KCNJ6: variants seen among roughly 807,000 people sequenced by gnomAD.
The protein encoded by KCNJ6 is potassium inwardly rectifying channel subfamily J member 6.
KCNJ6 carries 9 observed loss-of-function variants against 34.2 expected under a neutral mutation model. The ratio of observed to expected loss-of-function variants is 0.26; its 90% CI spans 0.16 to 0.46. The LOEUF (loss-of-function observed/expected upper bound fraction) is 0.46. Ranked by LOEUF, KCNJ6 falls within the 20% of genes least tolerant of loss-of-function variation. KCNJ6 has a pLI of 1.00. For missense variants in KCNJ6, 236 were observed against 531.3 expected (o/e 0.44, Z 5.46); for synonymous variants, 196 against 207.1 (o/e 0.95, Z 0.46).
At chr21:37,685,286 G>T (rs896749130) in intron 3 of KCNJ6, among the ~76,000 whole-genome samples, 4 of 151,970 alleles carry the variant, frequency 2.6e-5, no homozygotes, top group Non-Finnish European at 5.9e-5. Flanking sequence ...GTCTCTGGAG[G>T]TAGGATTGGA....
At chr21:37,645,496 G>A (rs1021157277) in intron 3 of KCNJ6, among the ~76,000 whole-genome samples, 1 of 152,176 alleles carries the variant, frequency 6.6e-6, no homozygotes, top group African/African-American at 2.4e-5. Flanking sequence ...CTTCTCGTGG[G>A]TCATCTAATG....
At chr21:37,763,670 T>G (rs1051167530) in intron 2 of KCNJ6, among the ~76,000 whole-genome samples, 2 of 152,182 alleles carry the variant, frequency 1.3e-5, no homozygotes, top group Non-Finnish European at 2.9e-5. Context: ...ACATGGCTGT[T>G]TTTCTCTTGT....
chr21:37,907,443 G>A (rs553673739), intron 1 of KCNJ6, among the ~76,000 whole-genome samples: 2 of 152,234 alleles, frequency 1.3e-5, no homozygotes, highest in Admixed American at 6.5e-5. Context: ...GAAGGGCATC[G>A]CTTCTCTCAT....
At chr21:37,910,910 A>G (rs2055864175) in intron 1 of KCNJ6, among the ~76,000 whole-genome samples, 1 of 152,226 alleles carries the variant, frequency 6.6e-6, no homozygotes, top group Non-Finnish European at 1.5e-5. Flanking sequence ...ACACTGCACA[A>G]AATCATTCTC....
chr21:37,754,578 G>A (rs2055014169), intron 2 of KCNJ6, among the ~76,000 whole-genome samples: 1 of 152,110 alleles, frequency 6.6e-6, no homozygotes, highest in African/African-American at 2.4e-5. Context: ...AGCTGATCCG[G>A]GACAATGGAC....
In KCNJ6 at chr21:37,614,378, GTGTGTA is replaced by G. The variant is rs1379841680; in HGVS notation, c.*10775_*10780del. 9.4e-3 allele frequency: 1,421 copies of G among 150,458 alleles called. 13 individuals are homozygous for G. The highest frequency in any genetic ancestry group is 0.011 in the Non-Finnish European group (763 of 67,890). 9.3% of individuals were successfully genotyped at this position (150,458 alleles called of 1,614,324 possible). On this transcript the variant is annotated 3_prime_UTR_variant, in exon 4 of 4. Coordinates refer to ENST00000609713, the MANE Select transcript of KCNJ6 (RefSeq NM_002240.5). ...GATAAGAGTGTGTGTGTGTGTGTGT[GTGTGTA>G]TATCTGTGTGTGCGTATGCATGTGT... is the stretch of plus-strand genomic sequence containing the variant.
At chr21:37,691,990 G>T (rs949762082) in intron 3 of KCNJ6, among the ~76,000 whole-genome samples, 8 of 152,152 alleles carry the variant, frequency 5.3e-5, no homozygotes, top group African/African-American at 1.9e-4. Flanking sequence ...CAAGCAGTTT[G>T]GGATGTCGTG....
At chr21:37,687,900 T>G (rs1042047502) in intron 3 of KCNJ6, among the ~76,000 whole-genome samples, 6 of 152,212 alleles carry the variant, frequency 3.9e-5, no homozygotes, top group African/African-American at 1.4e-4. Flanking sequence ...ATAAAGTTGC[T>G]AGATAAACAA....
At chr21:37,901,063 G>A (rs1334830605) in intron 1 of KCNJ6, among the ~76,000 whole-genome samples, 3 of 150,008 alleles carry the variant, frequency 2.0e-5, no homozygotes, top group Non-Finnish European at 4.4e-5. Flanking sequence ...TAGCTTATCT[G>A]AATGTTCACA....
intron 2 of KCNJ6, among the ~76,000 whole-genome samples, chr21:37,836,433 T>C (rs2055451952): frequency 6.6e-6 from 1 of 152,216 alleles, no homozygotes; most frequent in Non-Finnish European, 1.5e-5. Flanking sequence ...TAAAGCCACA[T>C]GCACACACGT....
intron 3 of KCNJ6, among the ~76,000 whole-genome samples, chr21:37,681,143 G>C (rs1181834194): frequency 1.8e-5 from 1 of 55,602 alleles, no homozygotes; most frequent in Non-Finnish European, 3.3e-5. Flanking sequence ...CTGTCCATTA[G>C]ATGTCAAAGA....
intron 2 of KCNJ6, among the ~76,000 whole-genome samples, chr21:37,721,857 A>C (rs1543755): frequency 0.23 from 35,686 of 151,942 alleles, 4,457 homozygotes; most frequent in East Asian, 0.36. Context: ...GGGTTAGCCC[A>C]AGGTAATGGT....
chr21:37,834,482 A>C (rs2055442031), intron 2 of KCNJ6, among the ~76,000 whole-genome samples: 1 of 152,254 alleles, frequency 6.6e-6, no homozygotes, highest in South Asian at 2.1e-4. Flanking sequence ...GCAAGAACGC[A>C]TGCCACATGT....
chr21:37,883,932 A>T (rs1350335567), intron 1 of KCNJ6, among the ~76,000 whole-genome samples: 2 of 152,150 alleles, frequency 1.3e-5, no homozygotes, highest in Non-Finnish European at 2.9e-5. Context: ...TGTTCAAGGA[A>T]GCTGCCTGTT....
chr21:37,900,715 A>C (rs980948820), intron 1 of KCNJ6, among the ~76,000 whole-genome samples: 1 of 152,160 alleles, frequency 6.6e-6, no homozygotes, highest in Non-Finnish European at 1.5e-5. Flanking sequence ...AAGGCAGCAG[A>C]AGGAGTGAGT....
intron 2 of KCNJ6, among the ~76,000 whole-genome samples, chr21:37,715,457 G>GC (rs2054785525): frequency 6.6e-6 from 1 of 152,228 alleles, no homozygotes; most frequent in Admixed American, 6.5e-5. Flanking sequence ...AGATGCTGTG[G>GC]CATGGGAGAG....
chr21:37,771,988 G>T (rs906649531), intron 2 of KCNJ6, among the ~76,000 whole-genome samples: 4 of 152,076 alleles, frequency 2.6e-5, no homozygotes, highest in African/African-American at 9.7e-5. Flanking sequence ...TCCCCTTCTG[G>T]GGACTGCAAC....
In KCNJ6 at chr21:37,665,027, A is replaced by T. The variant is rs534990031; in HGVS notation, c.947-39543T>A. Among the ~76,000 whole-genome samples the T allele has an allele frequency of 3.9e-5, 6 of 151,992 alleles. No individual in the cohort carries two copies. The South Asian group carries it at 1.2e-3, about 32-fold the overall frequency. On this transcript the variant is annotated intron_variant, in intron 3 of 3. Transcript: ENST00000609713. ...TAGCCAGGATGGTCTCGATCTCCTG[A>T]CCTTGGGATCCGCCTGCCTCAGCCT... is the stretch of plus-strand genomic sequence containing the variant.
intron 3 of KCNJ6, among the ~76,000 whole-genome samples, chr21:37,672,743 CCCCTT>C (rs1441836742): frequency 1.3e-5 from 2 of 152,032 alleles, no homozygotes; most frequent in Admixed American, 6.6e-5. Flanking sequence ...TTTCTCCCTT[CCCCTT>C]CCCTTCCCTT....
Sources: allele counts gnomAD v4.1 joint callset (sites outside exome capture counted in the v4.1 genomes callset), GRCh38; gene constraint gnomAD v4.1.1; transcripts MANE v1.5; gene names NCBI Gene and HGNC (gene_info 2026-07-23, HGNC 2026-07-21).